Variants in RXFP1 observed in about 807,000 individuals in gnomAD.
The protein encoded by RXFP1 is relaxin receptor 1.
A neutral mutation model predicts 89.8 loss-of-function variants in RXFP1; 73 were observed. The ratio of observed to expected loss-of-function variants is 0.81; its 90% CI spans 0.67 to 0.99. RXFP1 has a LOEUF of 0.99. Ranked by LOEUF, RXFP1 falls within the 50% of genes least tolerant of loss-of-function variation. RXFP1 has a pLI of 0.00. For missense variants in RXFP1, 793 were observed against 895.5 expected, an observed-to-expected ratio of 0.89 and a Z score of 1.46; for synonymous variants, 277 against 305.5, an observed-to-expected ratio of 0.91 and a Z score of 0.97.
At chr4:158,567,958 T>C (rs981578682) in intron 1 of RXFP1, among the ~76,000 whole-genome samples, 5 of 152,228 alleles carry the variant, frequency 3.3e-5, no homozygotes. Flanking sequence ...CTGCTCACGC[T>C]TTGGATTCAC....
intron 1 of RXFP1, among the ~76,000 whole-genome samples, chr4:158,523,627 C>T (rs1741724180): frequency 6.6e-6 from 1 of 152,132 alleles, no homozygotes; most frequent in Non-Finnish European, 1.5e-5. Context: ...ACGCCTTCCC[C>T]AGGAAATGAG....
At chr4:158,588,537 C>G (rs556398190) in intron 2 of RXFP1, among the ~76,000 whole-genome samples, 72 of 152,302 alleles carry the variant, frequency 4.7e-4, no homozygotes, top group Admixed American at 3.3e-3. Context: ...ACCCACAAGG[C>G]TGGTAGTACC....
chr4:158,599,229 A>T (rs979405485), intron 3 of RXFP1, 97 bp from the exon 4 acceptor site: 2 of 1,571,512 alleles, frequency 1.3e-6, no homozygotes, highest in Non-Finnish European at 1.7e-6. Context: ...TTTTGTACTA[A>T]ATGATTTTCT....
At chr4:158,624,359 A>G (rs1381744764) in intron 9 of RXFP1, among the ~76,000 whole-genome samples, 2 of 152,172 alleles carry the variant, frequency 1.3e-5, no homozygotes, top group Non-Finnish European at 2.9e-5. Flanking sequence ...GAGGAAGCAG[A>G]TAGAGAGTAA....
At chr4:158,582,560 G>A (rs988027290) in intron 2 of RXFP1, among the ~76,000 whole-genome samples, 7 of 152,140 alleles carry the variant, frequency 4.6e-5, no homozygotes, top group Non-Finnish European at 5.9e-5. Flanking sequence ...GCACTCTGGG[G>A]CTCACAGGAA....
At chr4:158,622,290 G>A (rs541495409) in intron 9 of RXFP1, among the ~76,000 whole-genome samples, 8 of 151,814 alleles carry the variant, frequency 5.3e-5, no homozygotes, top group South Asian at 2.1e-4. Context: ...CAGCCTGGGC[G>A]ACAGAGCAAG....
chr4:158,619,813 G>C (rs954374746), intron 9 of RXFP1, among the ~76,000 whole-genome samples: 2 of 151,992 alleles, frequency 1.3e-5, no homozygotes, highest in Middle Eastern at 3.4e-3. Context: ...TTCTGCCCCA[G>C]GGTACCAACA....
chr4:158,542,079 C>CTATATATATA (rs1553993932), intron 1 of RXFP1, among the ~76,000 whole-genome samples: 1 of 29,826 alleles, frequency 3.4e-5, no homozygotes, highest in Non-Finnish European at 7.0e-5. Context: ...GCCACCATGG[C>CTATATATATA]TATATATATA....
intron 1 of RXFP1, among the ~76,000 whole-genome samples, chr4:158,569,239 A>G (rs1754516994): frequency 2.6e-5 from 4 of 152,198 alleles, no homozygotes; most frequent in South Asian, 4.1e-4. Context: ...CATGATTCCA[A>G]TGACATAACA....
chr4:158,593,597 CTGGAAATCAGTTTTAAT>C (rs1759962277), intron 3 of RXFP1, 98 bp downstream of exon 3: 1 of 626,946 alleles, frequency 1.6e-6, no homozygotes, highest in African/African-American at 1.9e-5. Context: ...GCATCTCAAT[CTGGAAATCAGTTTTAAT>C]TAAAGAAACT....
At chr4:158,596,152 C>T (rs1048404618) in intron 3 of RXFP1, among the ~76,000 whole-genome samples, 13 of 151,378 alleles carry the variant, frequency 8.6e-5, no homozygotes, top group Non-Finnish European at 1.9e-4. Flanking sequence ...GAAAGGAAAA[C>T]GTTAATAGAT....
chr4:158,605,150 A>G lies in RXFP1; in HGVS notation c.464+11A>G. On this transcript the variant is annotated intron_variant, in intron 5 of 17. Transcript: ENST00000307765. ...TGATCTTCAGAAGCTGTAAGAAAAT[A>G]CTTAATTCCTGGTATTACAATTAAC... is the stretch of plus-strand genomic sequence containing the variant. 2 of 1,537,088 alleles carry G rather than the reference A, an allele frequency of 1.3e-6. No homozygotes were observed. Among genetic ancestry groups the G allele is most frequent in the South Asian group, 1.2e-5 (1 of 84,314 alleles).
intron 3 of RXFP1, among the ~76,000 whole-genome samples, chr4:158,594,548 T>C (rs1480200256): frequency 6.6e-6 from 1 of 152,068 alleles, no homozygotes; most frequent in Non-Finnish European, 1.5e-5. Context: ...AATAGTGCTT[T>C]GCACATAGTG....
intron 4 of RXFP1, among the ~76,000 whole-genome samples, chr4:158,601,624 A>T (rs944528358): frequency 3.3e-5 from 5 of 152,240 alleles, no homozygotes; most frequent in Admixed American, 2.0e-4. Flanking sequence ...TTCCATACAG[A>T]AAAAGAACTC....
At chr4:158,639,819 C>T (rs1194260386) in intron 14 of RXFP1, among the ~76,000 whole-genome samples, 1 of 151,994 alleles carries the variant, frequency 6.6e-6, no homozygotes, top group Non-Finnish European at 1.5e-5. Context: ...AAGATGGTGC[C>T]ACTGCACTCC....
At chr4:158,567,946 A>G (rs1478506674) in intron 1 of RXFP1, among the ~76,000 whole-genome samples, 1 of 152,218 alleles carries the variant, frequency 6.6e-6, no homozygotes, top group Admixed American at 6.5e-5. Flanking sequence ...TAAATCTTGC[A>G]GCTGCTCACG....
chr4:158,645,964 G>C lies in RXFP1; in HGVS notation c.1345+826G>C, dbSNP rs866501822. 7.9e-5 allele frequency among the ~76,000 whole-genome samples: 12 copies of C among 152,160 alleles called. No homozygotes were observed. The Middle Eastern group carries it at 0.027, about 345-fold the overall frequency. ...ATTTTTAGTAAGTTCAATTTCCGTGGTGAAGCCTAGACTGTAACTTCAGAG... is the reference window on the plus strand; with the variant it reads ...ATTTTTAGTAAGTTCAATTTCCGTGCTGAAGCCTAGACTGTAACTTCAGAG... On this transcript the variant is annotated intron_variant, in intron 15 of 17. Transcript: ENST00000307765.
intron 3 of RXFP1, among the ~76,000 whole-genome samples, chr4:158,595,983 C>A: frequency 7.9e-6 from 1 of 127,208 alleles, no homozygotes; most frequent in Admixed American, 7.6e-5. Context: ...AACCCAATCT[C>A]TCCAAAAAAA....
intron 1 of RXFP1, among the ~76,000 whole-genome samples, chr4:158,560,464 C>G (rs913265642): frequency 6.6e-6 from 1 of 152,160 alleles, no homozygotes; most frequent in Non-Finnish European, 1.5e-5. Context: ...CCAACATGAG[C>G]TTTTTCATGT....
Sources: gnomAD v4.1 joint callset for allele counts (sites outside exome capture counted in the v4.1 genomes callset) on GRCh38, gnomAD v4.1.1 for gene constraint, MANE v1.5 for transcripts, NCBI Gene and HGNC (gene_info 2026-07-23, HGNC 2026-07-21) for gene names.